FYB1: variants seen among roughly 807,000 people sequenced by gnomAD.
The protein encoded by FYB1 is FYN binding protein 1.
A neutral mutation model predicts 94.1 loss-of-function variants in FYB1; 41 were observed. The ratio of observed to expected loss-of-function variants is 0.44; its 90% CI spans 0.34 to 0.57. The LOEUF (loss-of-function observed/expected upper bound fraction) is 0.57. Among genes scored for constraint, FYB1 ranks in the 20% least tolerant of loss-of-function variants. The probability of loss-of-function intolerance (pLI) is 0.02; values close to 1 mark genes in which losing one functional copy is unlikely to be tolerated. For missense variants in FYB1, 1,050 were observed against 976.8 expected (o/e 1.07, Z -1.00); for synonymous variants, 367 against 353.2 (o/e 1.04, Z -0.44).
chr5:39,166,449 A>G (rs913684455), intron 2 of FYB1, among the ~76,000 whole-genome samples: 3 of 152,028 alleles, frequency 2.0e-5, no homozygotes, highest in African/African-American at 7.2e-5. Context: ...AAAAAAAAAA[A>G]AAAGAAATAA....
intron 1 of FYB1, among the ~76,000 whole-genome samples, chr5:39,219,197 C>T (rs376066468): frequency 2.6e-5 from 4 of 152,204 alleles, no homozygotes; most frequent in Non-Finnish European, 2.9e-5. Flanking sequence ...TATCCAGTTA[C>T]GAAAGAGCAA....
intron 1 of FYB1, among the ~76,000 whole-genome samples, chr5:39,265,498 GA>G (rs200262344): frequency 0.018 from 2,178 of 123,718 alleles, 51 homozygotes; most frequent in East Asian, 0.085. Flanking sequence ...AAAAAAAAAA[GA>G]AAAAAAAATT....
chr5:39,126,474 T>C (rs1335816306), intron 11 of FYB1, among the ~76,000 whole-genome samples: 2 of 151,710 alleles, frequency 1.3e-5, no homozygotes, highest in African/African-American at 4.8e-5. Context: ...AGTGGGAGGA[T>C]TGCTTAAGCC....
intron 3 of FYB1, among the ~76,000 whole-genome samples, chr5:39,149,263 T>G (rs889723355): frequency 6.6e-6 from 1 of 152,192 alleles, no homozygotes; most frequent in African/African-American, 2.4e-5. Context: ...GGGAACAGCT[T>G]TAGGAGTAGG....
chr5:39,153,434 A>T lies in FYB1; in HGVS notation c.1292+14T>A, dbSNP rs1224753218. 2 of 1,612,358 alleles carry T rather than the reference A, an allele frequency of 1.2e-6. No individual in the cohort carries two copies. The highest frequency in any genetic ancestry group is 1.7e-6 in the Non-Finnish European group (2 of 1,178,640). ...GAGACTAGGAAAGAAATCGCAAGAT[A>T]ATCTTTTGCTTACTTTAGGTCAAAC... On this transcript the variant is annotated intron_variant, in intron 3 of 18. Transcript: ENST00000512982.
At chr5:39,130,547 T>G in intron 10 of FYB1, 43 bp downstream of exon 10, 1 of 1,479,998 alleles carries the variant, frequency 6.8e-7, no homozygotes, top group Non-Finnish European at 9.3e-7. Context: ...TGCCAATATA[T>G]GTATCAATTG....
In FYB1 at chr5:39,235,059, T is replaced by G. The variant is rs1027681556; in HGVS notation, c.-27-32072A>C. ...TATCCAAGAACTTAAAGAATAATAA[T>G]AATAATAATAATAATAATAATAATG... is the stretch of plus-strand genomic sequence containing the variant. On this transcript the variant is annotated intron_variant, in intron 1 of 1. Transcript: ENST00000510188. Among the ~76,000 whole-genome samples the G allele has an allele frequency of 1.2e-3, 131 of 110,356 alleles. 1 individual carries two copies. The highest frequency in any genetic ancestry group is 3.9e-3 in the Middle Eastern group (1 of 256). 72.4% of individuals were successfully genotyped at this position (110,356 alleles called of 152,430 possible). A position where few individuals can be genotyped will look rare whatever the true frequency, so the allele number is the denominator to read the frequency against.
intron 2 of FYB1, among the ~76,000 whole-genome samples, chr5:39,192,119 C>G (rs969366420): frequency 1.3e-5 from 2 of 152,216 alleles, no homozygotes; most frequent in South Asian, 4.1e-4. Context: ...TGAAACAAGG[C>G]ACCTCCTGCA....
At chr5:39,115,338 G>A (rs930183357) in intron 16 of FYB1, among the ~76,000 whole-genome samples, 10 of 151,882 alleles carry the variant, frequency 6.6e-5, no homozygotes, top group Admixed American at 1.3e-4. Context: ...AAAGTGATCC[G>A]CCCACCTCCG....
chr5:39,134,594 T>G (rs191585499), intron 8 of FYB1, among the ~76,000 whole-genome samples: 6 of 152,338 alleles, frequency 3.9e-5, no homozygotes, highest in Admixed American at 1.3e-4. Flanking sequence ...ACATGAAGCA[T>G]TTTTTCTTTT....
At chr5:39,208,423 A>G (rs939017850) in intron 1 of FYB1, among the ~76,000 whole-genome samples, 2 of 152,202 alleles carry the variant, frequency 1.3e-5, no homozygotes, top group African/African-American at 4.8e-5. Flanking sequence ...CGGTTTTTCA[A>G]AAAATCTTTG....
intron 10 of FYB1, 145 bp from the exon 11 acceptor site, chr5:39,127,952 T>A (rs1477380858): frequency 1.3e-6 from 1 of 774,198 alleles, no homozygotes; most frequent in East Asian, 3.1e-5. Flanking sequence ...AAACACTTTG[T>A]TGATTATTTT....
chr5:39,221,682 T>G (rs1441466073), upstream of FYB1, among the ~76,000 whole-genome samples: 1 of 152,154 alleles, frequency 6.6e-6, no homozygotes, highest in African/African-American at 2.4e-5. Context: ...TCTGCCAACC[T>G]CTCTCAGATG....
At chr5:39,119,463 T>G in intron 15 of FYB1, 72 bp downstream of exon 15, 3 of 1,149,814 alleles carry the variant, frequency 2.6e-6, no homozygotes, top group Non-Finnish European at 3.5e-6. Flanking sequence ...ATAGTGTTTT[T>G]TTTGTTACTT....
intron 2 of FYB1, among the ~76,000 whole-genome samples, chr5:39,185,527 T>A (rs10711766): frequency 0.77 from 99,752 of 129,344 alleles, 37,221 homozygotes; most frequent in Non-Finnish European, 0.85. Flanking sequence ...AAAAAAAAAA[T>A]ATATATATAT....
intron 1 of FYB1, among the ~76,000 whole-genome samples, chr5:39,217,009 C>T (rs1167111196): frequency 6.6e-6 from 1 of 152,168 alleles, no homozygotes; most frequent in Non-Finnish European, 1.5e-5. Context: ...ATCAGAGAAA[C>T]CCCAGACCAG....
chr5:39,225,693 G>T (rs952827386), intron 1 of FYB1, among the ~76,000 whole-genome samples: 2 of 152,136 alleles, frequency 1.3e-5, no homozygotes, highest in Non-Finnish European at 2.9e-5. Context: ...TAAAGGAAGA[G>T]ATTTTTAAAG....
intron 2 of FYB1, among the ~76,000 whole-genome samples, chr5:39,188,693 G>A (rs566794686): frequency 3.4e-4 from 51 of 151,930 alleles, no homozygotes; most frequent in African/African-American, 1.0e-3. Flanking sequence ...CACCACGCCC[G>A]GCTAATTTTT....
intron 1 of FYB1, among the ~76,000 whole-genome samples, chr5:39,214,127 A>G (rs1472902762): frequency 2.0e-5 from 3 of 152,254 alleles, no homozygotes; most frequent in Non-Finnish European, 4.4e-5. Context: ...TACCACAGAG[A>G]GAGTCATCTA....
Sources: allele counts gnomAD v4.1 joint callset (sites outside exome capture counted in the v4.1 genomes callset), GRCh38; gene constraint gnomAD v4.1.1; transcripts MANE v1.5; gene names NCBI Gene and HGNC (gene_info 2026-07-23, HGNC 2026-07-21).